The following SAMD8 variants were observed in gnomAD, a reference collection of about 807,000 sequenced individuals.
SAMD8 encodes the protein sterile alpha motif domain containing 8.
In SAMD8, 20 loss-of-function variants were observed where a neutral mutation model predicts 42.0. The observed-to-expected ratio is 0.48, with a 90% CI of 0.34 to 0.69. The LOEUF is 0.69. SAMD8 is among the 30% of genes least tolerant of loss of function. The probability of loss-of-function intolerance (pLI) is 0.01; values close to 1 mark genes in which losing one functional copy is unlikely to be tolerated. For synonymous variants in SAMD8, 162 were observed against 173.0 expected (o/e 0.94, Z 0.50); for missense variants, 328 against 511.6 (o/e 0.64, Z 3.46).
intron 4 of SAMD8, among the ~76,000 whole-genome samples, chr10:75,172,755 G>A (rs929550287): frequency 3.3e-5 from 5 of 151,852 alleles, no homozygotes; most frequent in East Asian, 1.9e-4. Context: ...CTCGACCTCC[G>A]AAAGTGCTGG....
rs139253630 is a variant in SAMD8 at position 75,159,578 on chromosome 10, C to T, written c.579-5067C>T. ...TCCCAACATCCAGCAGATACGTCTCCGTTGGAGGGCTGCTCTTTGCCTACT... is the reference window on the plus strand; with the variant it reads ...TCCCAACATCCAGCAGATACGTCTCTGTTGGAGGGCTGCTCTTTGCCTACT... On this transcript the variant is annotated intron_variant, in intron 2 of 5. Coordinates refer to ENST00000542569, the MANE Select transcript of SAMD8 (RefSeq NM_001174156.2). Among the ~76,000 whole-genome samples the T allele has an allele frequency of 1.7e-4, 26 of 152,286 alleles. No individual in the cohort carries two copies. In the East Asian group the frequency reaches 3.5e-3, roughly 20 times the overall value.
chr10:75,181,056 G>T lies in SAMD8; in HGVS notation c.*4364G>T, dbSNP rs1337747473. The T allele has an allele frequency of 6.6e-6, 1 of 152,160 alleles. No individual in the cohort carries two copies. Among genetic ancestry groups the T allele is most frequent in the East Asian group, 1.9e-4 (1 of 5,186 alleles). The allele number at this position is 152,160 out of a possible 1,614,324, so 9.4% of individuals were successfully genotyped here. Reference sequence around the variant, plus strand: ...AGACTTACATTTTCTTCATACTAAAGGTAATGATAATATAGTCATTTGCCA... The same window carrying T: ...AGACTTACATTTTCTTCATACTAAATGTAATGATAATATAGTCATTTGCCA... On this transcript the variant is annotated 3_prime_UTR_variant, in exon 6 of 6. Transcript: ENST00000542569.
intron 1 of SAMD8, among the ~76,000 whole-genome samples, chr10:75,119,235 G>A (rs1213057631): frequency 6.6e-6 from 1 of 151,854 alleles, no homozygotes; most frequent in African/African-American, 2.4e-5. Context: ...TCAGCTCGCT[G>A]CAACCTCCGC....
upstream of SAMD8, chr10:75,109,213 G>C (rs1848704987): frequency 1.4e-6 from 2 of 1,473,250 alleles, no homozygotes; most frequent in Non-Finnish European, 9.0e-7. Context: ...CCTCTCCAGT[G>C]TCATTTCTCC....
chr10:75,168,563 T>G lies in SAMD8; in HGVS notation c.697T>G (p.Cys233Gly), dbSNP rs762134614. 6.2e-7 allele frequency: 1 copy of G among 1,613,812 alleles called. No homozygotes were observed. The highest frequency in any genetic ancestry group is 1.7e-5 in the Admixed American group (1 of 59,996). The change falls in exon 4 of 6, where the codon TGT becomes GGT. Residue 233 changes from cysteine (C) to glycine (G), a missense_variant. Physicochemically the swap from Cys to Gly is radical, Grantham distance 159. Around this residue, in one of 2 missense-constraint regions of SAMD8, gnomAD observed 178 missense variants for 325.6 expected, o/e 0.55. Coordinates refer to ENST00000542569, the MANE Select transcript of SAMD8 (RefSeq NM_001174156.2). The stretch of plus-strand genomic sequence containing the variant: ...CAGGTCAATACTTCTGCGAAGGCTC[T>G]GTAGTCTGATGGGAACTGTATTCTT... ...KHRSILLRRL[C>G]SLMGTVFLLR...
intron 1 of SAMD8, among the ~76,000 whole-genome samples, chr10:75,146,824 A>G (rs1840148523): frequency 6.6e-6 from 1 of 152,222 alleles, no homozygotes; most frequent in Admixed American, 6.5e-5. Flanking sequence ...TTGGTACAAC[A>G]TAAATATTAA....
chr10:75,116,818 T>G (rs1448445751), intron 1 of SAMD8, among the ~76,000 whole-genome samples: 1 of 152,112 alleles, frequency 6.6e-6, no homozygotes, highest in Non-Finnish European at 1.5e-5. Context: ...GCATATTTAT[T>G]TATTTATTTA....
chr10:75,147,168 A>G (rs897237726), intron 1 of SAMD8, among the ~76,000 whole-genome samples: 7 of 152,192 alleles, frequency 4.6e-5, no homozygotes, highest in Non-Finnish European at 1.0e-4. Flanking sequence ...AGAAGAGAAG[A>G]ATCATTTTGA....
At chr10:75,120,886 T>G (rs1848991143) in intron 1 of SAMD8, among the ~76,000 whole-genome samples, 1 of 149,534 alleles carries the variant, frequency 6.7e-6, no homozygotes, top group Admixed American at 6.8e-5. Context: ...GTTCAAGCGA[T>G]TCTCTTGCCT....
At chr10:75,119,929 G>A (rs11001299) in intron 1 of SAMD8, among the ~76,000 whole-genome samples, 37,843 of 151,872 alleles carry the variant, frequency 0.25, 5,225 homozygotes, top group East Asian at 0.59. Context: ...TTAGCTGGGC[G>A]TGGTGGCGCG....
At chr10:75,108,567 C>A (rs916818042), upstream of SAMD8, among the ~76,000 whole-genome samples, 4 of 152,196 alleles carry the variant, frequency 2.6e-5, no homozygotes, top group African/African-American at 9.6e-5. Context: ...CTGGCTACCA[C>A]CTCATACCTG....
chr10:75,103,904 T>G (rs1399375053), intron 1 of SAMD8: 1 of 1,310,550 alleles, frequency 7.6e-7, no homozygotes, highest in African/African-American at 1.5e-5. Context: ...CTGTGGAGAC[T>G]GAAGACAGTG....
Position 75,181,127 on chromosome 10 carries a change from A to G in SAMD8, c.*4435A>G, listed in dbSNP as rs1363889418. 1 of 152,244 alleles carries G rather than the reference A, an allele frequency of 6.6e-6. No homozygotes were observed. Among genetic ancestry groups the G allele is most frequent in the Admixed American group, 6.5e-5 (1 of 15,286 alleles). The allele number at this position is 152,244 out of a possible 1,614,324, so 9.4% of individuals were successfully genotyped here. ...ATTTGAGACAAGAAAGCTGTCTTGTAGAATAGTCCAATTGCTTTCTTAAAC... is the reference window on the plus strand; with the variant it reads ...ATTTGAGACAAGAAAGCTGTCTTGTGGAATAGTCCAATTGCTTTCTTAAAC... On this transcript the variant is annotated 3_prime_UTR_variant, in exon 6 of 6. Coordinates refer to ENST00000542569, the MANE Select transcript of SAMD8 (RefSeq NM_001174156.2).
intron 1 of SAMD8, among the ~76,000 whole-genome samples, chr10:75,148,368 T>TTTTG (rs1840197185): frequency 9.3e-6 from 1 of 107,880 alleles, no homozygotes; most frequent in Admixed American, 1.1e-4. Context: ...TTTTTTTTTT[T>TTTTG]TTTGAGACAG....
At chr10:75,123,874 C>G (rs1414211942) in intron 1 of SAMD8, among the ~76,000 whole-genome samples, 5 of 151,870 alleles carry the variant, frequency 3.3e-5, no homozygotes, top group Non-Finnish European at 7.4e-5. Context: ...ACTACAGGCA[C>G]ACTCCACCGC....
At chr10:75,151,161 A>C in intron 2 of SAMD8, 55 bp downstream of exon 2, 1 of 856,280 alleles carries the variant, frequency 1.2e-6, no homozygotes, top group Non-Finnish European at 1.8e-6. Flanking sequence ...ATTAACAGCA[A>C]TGATACTATA....
chr10:75,131,771 A>G (rs1849278464), intron 1 of SAMD8, among the ~76,000 whole-genome samples: 1 of 152,212 alleles, frequency 6.6e-6, no homozygotes, highest in African/African-American at 2.4e-5. Context: ...TGGAAAGAAC[A>G]CTGAATTTGT....
At chr10:75,101,052 G>A (rs1848127841) in intron 1 of SAMD8, among the ~76,000 whole-genome samples, 1 of 152,258 alleles carries the variant, frequency 6.6e-6, no homozygotes, top group Admixed American at 6.5e-5. Flanking sequence ...AGGCCATGTG[G>A]GGCTGGAGAT....
In SAMD8 at chr10:75,176,101, C is replaced by G; in HGVS notation, c.828C>G (p.Ala276=). ...GTGTATGGGAGAAATTACATCGAGC[C>G]TTTGCCATTTGGAGTGGCTTTGGTA... ...YGSVWEKLHR[A]FAIWSGFGMT... The change falls in exon 5 of 6, where the codon GCC becomes GCG. Residue 276 remains alanine, a synonymous_variant. Transcript: ENST00000542569. This position sits in a 1 kb window ranked among gnomAD's most constrained non-coding sequence, Gnocchi z 4.3. The G allele has an allele frequency of 6.2e-7, 1 of 1,614,166 alleles. No homozygotes were observed. The highest frequency in any genetic ancestry group is 8.5e-7 in the Non-Finnish European group (1 of 1,180,024).
Sources: allele counts gnomAD v4.1 joint callset (sites outside exome capture counted in the v4.1 genomes callset), GRCh38; gene constraint gnomAD v4.1.1; regional missense constraint gnomAD v4.1.1; non-coding constraint Gnocchi (gnomAD v3.1); transcripts MANE v1.5; gene names NCBI Gene and HGNC (gene_info 2026-07-23, HGNC 2026-07-21).